ANO2: variants seen among roughly 807,000 people sequenced by gnomAD.
ANO2 encodes the protein anoctamin-2.
In ANO2, 101 loss-of-function variants were observed where a neutral mutation model predicts 124.2. The ratio of observed to expected loss-of-function variants is 0.81; its 90% confidence interval spans 0.69 to 0.96. The LOEUF (loss-of-function observed/expected upper bound fraction) is 0.96, where lower values mean the gene tolerates loss of function less well. ANO2 is among the 40% of genes least tolerant of loss of function. The probability of loss-of-function intolerance (pLI) is 0.00; values close to 1 mark genes in which losing one functional copy is unlikely to be tolerated. For missense variants in ANO2, 1,293 were observed against 1,274.5 expected, an observed-to-expected ratio of 1.01 and a Z score of -0.22; for synonymous variants, 486 against 482.5, an observed-to-expected ratio of 1.01 and a Z score of -0.09.
intron 16 of ANO2, among the ~76,000 whole-genome samples, chr12:5,625,670 A>C (rs1448368182): frequency 6.6e-6 from 1 of 152,140 alleles, no homozygotes; most frequent in Non-Finnish European, 1.5e-5. Context: ...TGAACCGAGA[A>C]TCATCCTTCG....
intron 16 of ANO2, among the ~76,000 whole-genome samples, chr12:5,624,091 GCCTATC>G (rs942540167): frequency 6.6e-6 from 1 of 152,194 alleles, no homozygotes; most frequent in Admixed American, 6.5e-5. Flanking sequence ...AGCACAGGGG[GCCTATC>G]CCTCAGAGTC....
At chr12:5,810,433 C>CT (rs1410312396) in intron 7 of ANO2, among the ~76,000 whole-genome samples, 3 of 152,068 alleles carry the variant, frequency 2.0e-5, no homozygotes, top group African/African-American at 7.2e-5. Context: ...TGATTTTTTT[C>CT]TTTCTTTTCA....
intron 18 of ANO2, 28 bp from the exon 19 acceptor site, chr12:5,612,784 G>A (rs748171575): frequency 1.3e-4 from 207 of 1,611,982 alleles, no homozygotes; most frequent in Middle Eastern, 1.6e-4. Flanking sequence ...GGAAAGGACC[G>A]GTTAGAACAA....
intron 7 of ANO2, among the ~76,000 whole-genome samples, chr12:5,827,180 C>T (rs1181227348): frequency 6.6e-6 from 1 of 152,198 alleles, no homozygotes; most frequent in Non-Finnish European, 1.5e-5. Flanking sequence ...CTTATACTGC[C>T]TGCCTTATAC....
intron 10 of ANO2, among the ~76,000 whole-genome samples, chr12:5,794,239 C>T (rs974192774): frequency 1.7e-4 from 26 of 152,200 alleles, no homozygotes; most frequent in Non-Finnish European, 3.2e-4. Flanking sequence ...GCTGATCCCA[C>T]GTGTCATCTC....
intron 24 of ANO2, among the ~76,000 whole-genome samples, 170 bp from the exon 25 acceptor site, chr12:5,563,738 C>T (rs147424620): frequency 7.4e-4 from 112 of 152,252 alleles, no homozygotes; most frequent in Non-Finnish European, 1.2e-3. Context: ...TAAAATGGAG[C>T]GGAAACACTG....
chr12:5,922,938 G>A lies in ANO2; in HGVS notation c.23-134C>T, dbSNP rs533160935. Reference sequence around the variant, plus strand: ...TGCTTCACAGCTGCCTCCTTGGTTAGTCCCTAAAGCCCAGGTTCACACTGA... The same window carrying A: ...TGCTTCACAGCTGCCTCCTTGGTTAATCCCTAAAGCCCAGGTTCACACTGA... On this transcript the variant is annotated intron_variant, in intron 1 of 24. Transcript: ENST00000682330. 1.5e-3 allele frequency: 1,444 copies of A among 946,114 alleles called. 6 individuals are homozygous for A. Among genetic ancestry groups the A allele is most frequent in the South Asian group, 1.6e-3 (77 of 48,286 alleles). The allele number at this position is 946,114 out of a possible 1,614,324, so 58.6% of individuals were successfully genotyped here.
At chr12:5,801,473 C>T (rs981787311) in intron 9 of ANO2, among the ~76,000 whole-genome samples, 4 of 152,186 alleles carry the variant, frequency 2.6e-5, no homozygotes, top group African/African-American at 9.7e-5. Context: ...TCAAGGAGAA[C>T]CTACTTTAAT....
At chr12:5,792,089 A>G (rs933572958) in intron 10 of ANO2, among the ~76,000 whole-genome samples, 6 of 152,222 alleles carry the variant, frequency 3.9e-5, no homozygotes, top group African/African-American at 1.4e-4. Flanking sequence ...GTGGGCAGGT[A>G]GCACAGGTGC....
intron 17 of ANO2, among the ~76,000 whole-genome samples, chr12:5,614,011 G>T (rs186871258): frequency 6.6e-6 from 1 of 152,324 alleles, no homozygotes; most frequent in Admixed American, 6.5e-5. Context: ...AAACACCTCT[G>T]TAAGAAATTA....
chr12:5,754,319 C>T (rs1951518569), intron 10 of ANO2, among the ~76,000 whole-genome samples: 1 of 152,166 alleles, frequency 6.6e-6, no homozygotes, highest in Non-Finnish European at 1.5e-5. Flanking sequence ...GTTTGATTTA[C>T]TACTATTTTG....
At chr12:5,695,865 A>T (rs1167373612) in intron 14 of ANO2, among the ~76,000 whole-genome samples, 2 of 152,166 alleles carry the variant, frequency 1.3e-5, no homozygotes, top group African/African-American at 2.4e-5. Context: ...ATTAATTAAT[A>T]AAATAACCCA....
Position 5,580,204 on chromosome 12 carries a change from A to G in ANO2, c.2234-1686T>C, listed in dbSNP as rs187507360. ...TGAAGATAATAGTAATACCCACCCA[A>G]TAGGGTTCCCAGAAGGGTAAATGAT... is the stretch of plus-strand genomic sequence containing the variant. On this transcript the variant is annotated intron_variant, in intron 20 of 24. Transcript: ENST00000682330. 2.3e-3 allele frequency among the ~76,000 whole-genome samples: 346 copies of G among 152,318 alleles called. 1 individual carries two copies. Among genetic ancestry groups the G allele is most frequent in the African/African-American group, 7.7e-3 (321 of 41,574 alleles).
At chr12:5,632,444 T>A (rs1218387467) in intron 16 of ANO2, among the ~76,000 whole-genome samples, 1 of 152,002 alleles carries the variant, frequency 6.6e-6, no homozygotes, top group African/African-American at 2.4e-5. Flanking sequence ...TATTTTAAGT[T>A]TAAAAATACT....
intron 9 of ANO2, among the ~76,000 whole-genome samples, chr12:5,801,080 G>A (rs532342850): frequency 6.6e-6 from 1 of 152,172 alleles, no homozygotes; most frequent in Non-Finnish European, 1.5e-5. Flanking sequence ...GACAAGCTGT[G>A]TCAAATGTTG....
chr12:5,870,911 AG>A lies in ANO2; in HGVS notation c.535-16771del, dbSNP rs544829360. ...TTTCAGGGGGGCACTACCATGGAGA[AG>A]ATAGTTTATATTCAATAGCATATTT... On this transcript the variant is annotated intron_variant, in intron 3 of 24. Coordinates refer to ENST00000682330, the MANE Select transcript of ANO2 (RefSeq NM_001364791.2). Among the ~76,000 whole-genome samples the A allele has an allele frequency of 1.7e-3, 255 of 152,390 alleles. 1 individual carries two copies. The highest frequency in any genetic ancestry group is 3.0e-3 in the Non-Finnish European group (206 of 68,044).
rs71581009 is a variant in ANO2 at position 5,635,435 on chromosome 12, A to G, written c.1621-88T>C. ...TCTGCCAACAGTACCATTTGCTGTT[A>G]TCAGATATTATTAATCTGGAATCTT... On this transcript the variant is annotated intron_variant, in intron 15 of 24. Transcript: ENST00000682330. This position sits in a 1 kb window ranked among gnomAD's most constrained non-coding sequence, Gnocchi z 5.2. 0.014 allele frequency: 14,202 copies of G among 1,003,280 alleles called. 1,223 individuals are homozygous for G. In the African/African-American group the frequency reaches 0.2, roughly 14 times the overall value. 62.1% of individuals were successfully genotyped at this position (1,003,280 alleles called of 1,614,324 possible).
intron 16 of ANO2, among the ~76,000 whole-genome samples, chr12:5,630,503 G>A (rs1285845650): frequency 6.6e-6 from 1 of 152,194 alleles, no homozygotes; most frequent in Non-Finnish European, 1.5e-5. Flanking sequence ...CATTGTGTCA[G>A]CTTTGCCTTG....
chr12:5,896,177 C>T (rs747238596), intron 3 of ANO2, among the ~76,000 whole-genome samples: 4 of 152,066 alleles, frequency 2.6e-5, no homozygotes, highest in Non-Finnish European at 5.9e-5. Context: ...GTGTACACTG[C>T]TCAGTGACAG....
Sources: gnomAD v4.1 joint callset for allele counts (sites outside exome capture counted in the v4.1 genomes callset) on GRCh38, gnomAD v4.1.1 for gene constraint, Gnocchi (gnomAD v3.1) non-coding constraint, MANE v1.5 for transcripts, NCBI Gene and HGNC (gene_info 2026-07-23, HGNC 2026-07-21) for gene names.